TRPM3: variants seen among roughly 807,000 people sequenced by gnomAD.
TRPM3 encodes the protein transient receptor potential cation channel subfamily M member 3.
A neutral mutation model predicts 181.2 loss-of-function variants in TRPM3; 77 were observed. The observed-to-expected ratio is 0.42, with a 90% CI of 0.35 to 0.51. The LOEUF is 0.51. Ranked by LOEUF, TRPM3 falls within the 20% of genes least tolerant of loss-of-function variation. The pLI is 0.01. For missense variants in TRPM3, 1,759 were observed against 2,196.7 expected (o/e 0.80, Z 3.98); for synonymous variants, 745 against 796.4 (o/e 0.94, Z 1.09).
intron 1 of TRPM3, among the ~76,000 whole-genome samples, chr9:71,128,552 T>C (rs1449860795): frequency 3.9e-5 from 6 of 152,234 alleles, no homozygotes; most frequent in Admixed American, 3.9e-4. Flanking sequence ...TTCATTATTG[T>C]AAATGTTCTC....
chr9:70,918,434 C>T (rs1319211845), intron 1 of TRPM3, among the ~76,000 whole-genome samples: 1 of 151,942 alleles, frequency 6.6e-6, no homozygotes, highest in Admixed American at 6.6e-5. Context: ...CTTCCCTGAC[C>T]ACAATGAAAT....
intron 8 of TRPM3, among the ~76,000 whole-genome samples, chr9:70,757,231 T>C (rs1363178944): frequency 6.6e-6 from 1 of 152,152 alleles, no homozygotes; most frequent in Non-Finnish European, 1.5e-5. Context: ...CTAGAAAATA[T>C]AGAAGAAATG....
chr9:70,677,998 AC>A (rs1315919791), intron 9 of TRPM3, among the ~76,000 whole-genome samples: 1 of 150,852 alleles, frequency 6.6e-6, no homozygotes, highest in African/African-American at 2.4e-5. Context: ...CCACTTGGGG[AC>A]ATACTTATGT....
chr9:71,114,291 C>T (rs1004096369), intron 1 of TRPM3, among the ~76,000 whole-genome samples: 5 of 151,966 alleles, frequency 3.3e-5, no homozygotes, highest in Admixed American at 1.3e-4. Flanking sequence ...ATCTGAATTC[C>T]GAAAGGCTAT....
rs145943030 is a variant in TRPM3 at position 70,818,858 on chromosome 9, C to T, written c.973+8989G>A. On this transcript the variant is annotated intron_variant, in intron 6 of 25. Transcript: ENST00000677713. Reference sequence around the variant, plus strand: ...TGAAATTAGATATGAGGAAGAACTTCCCAATAGCAAGTGGCATTAGGATTT... The same window carrying T: ...TGAAATTAGATATGAGGAAGAACTTTCCAATAGCAAGTGGCATTAGGATTT... Among the ~76,000 whole-genome samples the T allele has an allele frequency of 6.5e-3, 993 of 152,314 alleles. 9 individuals carry two copies. Among genetic ancestry groups the T allele is most frequent in the Admixed American group, 0.016 (246 of 15,296 alleles).
chr9:71,349,970 T>TATATATATAC, intron 1 of TRPM3, among the ~76,000 whole-genome samples: 1 of 26,938 alleles, frequency 3.7e-5, no homozygotes, highest in South Asian at 8.6e-4. Context: ...TGTAAGTGCA[T>TATATATATAC]ATATATATAT....
chr9:71,421,319 C>T (rs909043408), intron 1 of TRPM3, among the ~76,000 whole-genome samples: 1 of 151,680 alleles, frequency 6.6e-6, no homozygotes, highest in Non-Finnish European at 1.5e-5. Context: ...AGGCAGTATA[C>T]CCACGTAACA....
At chr9:70,939,074 T>C (rs2133524523) in intron 1 of TRPM3, among the ~76,000 whole-genome samples, 1 of 152,304 alleles carries the variant, frequency 6.6e-6, no homozygotes, top group African/African-American at 2.4e-5. Flanking sequence ...ATACATCCAG[T>C]TTTCAGAGCC....
At chr9:70,687,851 T>C (rs1302889265) in intron 8 of TRPM3, among the ~76,000 whole-genome samples, 3 of 152,214 alleles carry the variant, frequency 2.0e-5, no homozygotes, top group East Asian at 3.8e-4. Flanking sequence ...TGAGTATCTC[T>C]TCTGTGCCAG....
intron 1 of TRPM3, among the ~76,000 whole-genome samples, chr9:71,227,065 T>C (rs1243171358): frequency 1.5e-5 from 2 of 134,530 alleles, no homozygotes; most frequent in East Asian, 4.3e-4. Context: ...GCCGAGATCA[T>C]GCCATTGCAC....
At chr9:70,881,832 G>A (rs921316368) in intron 1 of TRPM3, among the ~76,000 whole-genome samples, 1 of 152,054 alleles carries the variant, frequency 6.6e-6, no homozygotes, top group African/African-American at 2.4e-5. Flanking sequence ...CTTTTCTGTT[G>A]TTTCCTGAAA....
intron 1 of TRPM3, among the ~76,000 whole-genome samples, chr9:71,201,534 T>C (rs2078793588): frequency 6.6e-6 from 1 of 152,228 alleles, no homozygotes; most frequent in Non-Finnish European, 1.5e-5. Flanking sequence ...ATTTGGTCTT[T>C]TCACATAGTC....
At chr9:70,627,435 G>A (rs1187721504) in intron 12 of TRPM3, among the ~76,000 whole-genome samples, 1 of 152,040 alleles carries the variant, frequency 6.6e-6, no homozygotes, top group Non-Finnish European at 1.5e-5. Context: ...ACCATGCCCA[G>A]CTAATTTGTG....
rs75234556 is a variant in TRPM3, at chr9:70,595,449, T to G, written c.3048+2970A>C. On this transcript the variant is annotated intron_variant, in intron 21 of 25. Coordinates refer to ENST00000677713, the MANE Select transcript of TRPM3 (RefSeq NM_001366145.2). ...ACGTGTGCATGCTACTGGCATCCAC[T>G]GGGTAGACACTGCTAAATATCCTAT... 4.5e-3 allele frequency among the ~76,000 whole-genome samples: 678 copies of G among 152,308 alleles called. 5 individuals carry two copies. The highest frequency in any genetic ancestry group is 0.016 in the African/African-American group (661 of 41,560).
At chr9:71,076,522 TCTG>T (rs1381143048) in intron 1 of TRPM3, among the ~76,000 whole-genome samples, 4 of 152,186 alleles carry the variant, frequency 2.6e-5, no homozygotes, top group Non-Finnish European at 5.9e-5. Flanking sequence ...AGATCAGTGT[TCTG>T]CTGCTGTTAG....
At chr9:70,834,506 T>C (rs1487371062) in intron 5 of TRPM3, among the ~76,000 whole-genome samples, 1 of 152,224 alleles carries the variant, frequency 6.6e-6, no homozygotes. Context: ...AACTCTTTCC[T>C]AGTCTAGGTT....
intron 6 of TRPM3, among the ~76,000 whole-genome samples, chr9:70,821,192 A>C (rs771606335): frequency 1.6e-4 from 25 of 152,226 alleles, no homozygotes; most frequent in Non-Finnish European, 2.4e-4. Context: ...AAATATTTTT[A>C]AGATCTAGCC....
At chr9:70,694,241 T>C (rs761944139) in intron 8 of TRPM3, among the ~76,000 whole-genome samples, 1 of 152,162 alleles carries the variant, frequency 6.6e-6, no homozygotes, top group Non-Finnish European at 1.5e-5. Flanking sequence ...GTTGAAAGGA[T>C]CTTGGCCTAA....
At chr9:71,226,869 A>T (rs1186141404) in intron 1 of TRPM3, among the ~76,000 whole-genome samples, 2 of 152,032 alleles carry the variant, frequency 1.3e-5, no homozygotes, top group African/African-American at 4.8e-5. Flanking sequence ...AATCAAACTT[A>T]ATCTGCACTA....
Sources: allele counts gnomAD v4.1 joint callset (sites outside exome capture counted in the v4.1 genomes callset), GRCh38; gene constraint gnomAD v4.1.1; transcripts MANE v1.5; gene names NCBI Gene and HGNC (gene_info 2026-07-23, HGNC 2026-07-21).